The following PLEKHA7 variants were observed in gnomAD, a reference collection of about 807,000 sequenced individuals.
PLEKHA7 encodes pleckstrin homology domain-containing family A member 7.
Under a neutral mutation model 170.0 loss-of-function variants are expected in PLEKHA7, and 104 were observed. That is an observed-to-expected ratio of 0.61 (90% CI 0.52 to 0.72). PLEKHA7 has a LOEUF of 0.72. Among genes scored for constraint, PLEKHA7 ranks in the 30% least tolerant of loss-of-function variants. The pLI, the probability that PLEKHA7 is intolerant of heterozygous loss-of-function variation, is 0.00. For synonymous variants in PLEKHA7, 648 were observed against 660.8 expected, an observed-to-expected ratio of 0.98 and a Z score of 0.30; for missense variants, 1,615 against 1,671.7, an observed-to-expected ratio of 0.97 and a Z score of 0.59.
At chr11:16,876,343 A>C (rs528260077) in intron 3 of PLEKHA7, among the ~76,000 whole-genome samples, 9 of 152,378 alleles carry the variant, frequency 5.9e-5, no homozygotes, top group African/African-American at 1.9e-4. Context: ...GTTCCACACA[A>C]GGGCTTCTGT....
rs367658208 is a variant in PLEKHA7, at chr11:16,995,792, T to C, written c.221+18197A>G. On this transcript the variant is annotated intron_variant, in intron 3 of 26. Coordinates refer to ENST00000531066, the MANE Select transcript of PLEKHA7 (RefSeq NM_001329630.2). ...TCAAAAATAACCTTTGCTACAACTA[T>C]ATCCAGATTGCCTAAACCTATAAGC... Among the ~76,000 whole-genome samples, 22 of 152,338 alleles carry C rather than the reference T, an allele frequency of 1.4e-4. No individual in the cohort carries two copies. In the South Asian group the frequency reaches 4.6e-3, roughly 32 times the overall value.
At chr11:16,920,219 T>C (rs933334597) in intron 3 of PLEKHA7, among the ~76,000 whole-genome samples, 1 of 152,220 alleles carries the variant, frequency 6.6e-6, no homozygotes, top group Admixed American at 6.5e-5. Context: ...TCCCACTTAA[T>C]TGTAAATTCC....
At chr11:16,948,582 T>C (rs866301986) in intron 3 of PLEKHA7, among the ~76,000 whole-genome samples, 3 of 151,944 alleles carry the variant, frequency 2.0e-5, no homozygotes, top group East Asian at 1.9e-4. Context: ...TGTTCACACA[T>C]ACATGCACAC....
chr11:16,848,689 G>A (rs565176920), intron 8 of PLEKHA7, among the ~76,000 whole-genome samples: 3 of 152,216 alleles, frequency 2.0e-5, no homozygotes, highest in African/African-American at 4.8e-5. Context: ...GGTTTCTACT[G>A]GTGACCAAGT....
intron 4 of PLEKHA7, among the ~76,000 whole-genome samples, chr11:16,870,305 A>G (rs189951014): frequency 2.0e-5 from 3 of 152,032 alleles, no homozygotes; most frequent in Admixed American, 2.0e-4. Flanking sequence ...CCACCCCCAC[A>G]CACACACTAC....
At chr11:16,783,005 A>T (rs917875833) in intron 25 of PLEKHA7, 109 bp from the exon 26 acceptor site, 7 of 1,197,894 alleles carry the variant, frequency 5.8e-6, no homozygotes, top group Non-Finnish European at 6.9e-6. Context: ...GGGGGATCAG[A>T]CAAAAACTGT....
chr11:16,940,949 A>G (rs1258625433), intron 3 of PLEKHA7, among the ~76,000 whole-genome samples: 1 of 152,166 alleles, frequency 6.6e-6, no homozygotes, highest in Non-Finnish European at 1.5e-5. Flanking sequence ...TTTAGGGCTG[A>G]GTGTGACACC....
chr11:16,884,157 A>G (rs1855904214), intron 3 of PLEKHA7, among the ~76,000 whole-genome samples: 1 of 152,120 alleles, frequency 6.6e-6, no homozygotes, highest in Admixed American at 6.6e-5. Flanking sequence ...GGACTCCCAC[A>G]CCACTCCAGT....
chr11:17,010,175 G>T (rs966846445), intron 3 of PLEKHA7, among the ~76,000 whole-genome samples: 3 of 152,032 alleles, frequency 2.0e-5, no homozygotes, highest in African/African-American at 7.3e-5. Flanking sequence ...ATCACTTCAG[G>T]TCAGGAGTTT....
At chr11:16,907,340 A>C (rs370398967) in intron 3 of PLEKHA7, among the ~76,000 whole-genome samples, 1 of 83,022 alleles carries the variant, frequency 1.2e-5, no homozygotes. Flanking sequence ...TACTGGGAAG[A>C]GAGGAGCCCC....
intron 3 of PLEKHA7, among the ~76,000 whole-genome samples, chr11:16,908,249 T>G (rs946312152): frequency 9.1e-6 from 1 of 109,394 alleles, no homozygotes; most frequent in African/African-American, 3.7e-5. Context: ...CACCCAAGAA[T>G]GATCAATAAA....
intron 3 of PLEKHA7, among the ~76,000 whole-genome samples, chr11:16,908,878 C>T (rs1022688629): frequency 2.6e-5 from 4 of 152,184 alleles, no homozygotes; most frequent in African/African-American, 7.2e-5. Context: ...ACAGGGACAT[C>T]AAATGCTTCA....
chr11:16,790,406 C>T (rs1030252229), intron 21 of PLEKHA7: 10 of 212,612 alleles, frequency 4.7e-5, no homozygotes, highest in South Asian at 4.1e-4. Context: ...CTGGGATTGT[C>T]TTCCGGTTCC....
chr11:16,947,915 CAAAAAAA>C (rs756124686), intron 3 of PLEKHA7, among the ~76,000 whole-genome samples: 183 of 67,044 alleles, frequency 2.7e-3, no homozygotes, highest in African/African-American at 9.3e-3. Context: ...GACTCCGTCT[CAAAAAAA>C]AAAAAAAAAA....
At chr11:16,900,653 C>G (rs191103340) in intron 3 of PLEKHA7, among the ~76,000 whole-genome samples, 1 of 152,120 alleles carries the variant, frequency 6.6e-6, no homozygotes, top group East Asian at 1.9e-4. Context: ...GGTCCTTGAA[C>G]AAACTCAAAG....
rs1201258338 is a variant in PLEKHA7, at chr11:16,778,348, G to A, written c.*650C>T. 1 of 152,154 alleles carries A rather than the reference G, an allele frequency of 6.6e-6. No individual in the cohort carries two copies. The highest frequency in any genetic ancestry group is 1.5e-5 in the Non-Finnish European group (1 of 68,082). The allele number at this position is 152,154 out of a possible 1,614,324, so 9.4% of individuals were successfully genotyped here. ...GCTGGAGGAAGCCTGGGGGCAGGTT[G>A]TGGGCCCCAGTCCTCTTGAACACAC... On this transcript the variant is annotated 3_prime_UTR_variant, in exon 27 of 27. Coordinates refer to ENST00000531066, the MANE Select transcript of PLEKHA7 (RefSeq NM_001329630.2).
chr11:16,823,719 G>A (rs2134884978), intron 10 of PLEKHA7, among the ~76,000 whole-genome samples: 1 of 152,232 alleles, frequency 6.6e-6, no homozygotes, highest in South Asian at 2.1e-4. Context: ...TGTCCAAAAT[G>A]GAAATCCTGA....
At chr11:17,009,161 T>C (rs1865179681) in intron 3 of PLEKHA7, among the ~76,000 whole-genome samples, 1 of 152,152 alleles carries the variant, frequency 6.6e-6, no homozygotes, top group Admixed American at 6.5e-5. Context: ...CCACTACTAC[T>C]GTGGCTATCA....
At chr11:16,969,429 T>C (rs1256347552) in intron 3 of PLEKHA7, among the ~76,000 whole-genome samples, 4 of 152,114 alleles carry the variant, frequency 2.6e-5, no homozygotes, top group Non-Finnish European at 5.9e-5. Context: ...CCTATTTTGA[T>C]TTTAGGTTGA....
Sources: allele counts gnomAD v4.1 joint callset (sites outside exome capture counted in the v4.1 genomes callset), GRCh38; gene constraint gnomAD v4.1.1; transcripts MANE v1.5; gene names NCBI Gene and HGNC (gene_info 2026-07-23, HGNC 2026-07-21).